Variants in ATL2 observed in about 807,000 individuals in gnomAD.
ATL2 encodes the protein atlastin-2.
Under a neutral mutation model 73.9 loss-of-function variants are expected in ATL2, and 31 were observed. The ratio of observed to expected loss-of-function variants is 0.42; its 90% confidence interval spans 0.32 to 0.57. ATL2 has a LOEUF of 0.57. ATL2 is among the 20% of genes least tolerant of loss of function. The probability of loss-of-function intolerance (pLI) is 0.14; values close to 1 mark genes in which losing one functional copy is unlikely to be tolerated. For missense variants in ATL2, 738 were observed against 702.6 expected, an observed-to-expected ratio of 1.05 and a Z score of -0.57; for synonymous variants, 291 against 237.5, an observed-to-expected ratio of 1.23 and a Z score of -2.07.
Position 38,313,234 on chromosome 2 carries a change from A to C in ATL2, c.721T>G (p.Phe241Val), listed in dbSNP as rs1235410089. The C allele has an allele frequency of 6.2e-7, 1 of 1,609,068 alleles. No individual in the cohort carries two copies. Among genetic ancestry groups the C allele is most frequent in the East Asian group, 2.2e-5 (1 of 44,844 alleles). The change falls in exon 7 of 13, where the codon TTT becomes GTT. Residue 241 changes from phenylalanine (F) to valine (V), a missense_variant. Transcript: ENST00000378954. ...IYQKPFQTLM[F>V]LIRDWSYPYE... Reference sequence around the variant, plus strand: ...GGATAGCTCCAATCTCGAATCAAAAACATTAATGTCTATACACAGAAAAAA... The same window carrying C: ...GGATAGCTCCAATCTCGAATCAAAACCATTAATGTCTATACACAGAAAAAA...
intron 1 of ATL2, chr2:38,376,122 G>C: frequency 6.6e-7 from 1 of 1,515,466 alleles, no homozygotes; most frequent in Non-Finnish European, 8.9e-7. Flanking sequence ...TTACCAAATC[G>C]TAGGCTTTTA....
At chr2:38,345,600 T>A (rs1376675208) in intron 1 of ATL2, among the ~76,000 whole-genome samples, 1 of 152,244 alleles carries the variant, frequency 6.6e-6, no homozygotes, top group Non-Finnish European at 1.5e-5. Flanking sequence ...ACATTATCAC[T>A]GCCTGTATCA....
intron 12 of ATL2, among the ~76,000 whole-genome samples, chr2:38,296,891 GAAT>G (rs1326641312): frequency 2.6e-5 from 4 of 152,126 alleles, no homozygotes; most frequent in Non-Finnish European, 4.4e-5. Context: ...TTTAAGAGAT[GAAT>G]ATTTCTCAAA....
intron 2 of ATL2, among the ~76,000 whole-genome samples, chr2:38,326,595 CAA>C (rs1434961200): frequency 3.9e-5 from 6 of 152,118 alleles, no homozygotes; most frequent in Admixed American, 6.6e-5. Flanking sequence ...AGCCTAGCTG[CAA>C]AGTAACACAA....
At chr2:38,296,647 G>GAC in intron 12 of ATL2, 1 of 1,594,036 alleles carries the variant, frequency 6.3e-7, no homozygotes. Context: ...AAGCTAAAGA[G>GAC]TTTAAGACTA....
At chr2:38,327,927 TTC>T (rs1447715337) in intron 2 of ATL2, among the ~76,000 whole-genome samples, 2 of 152,198 alleles carry the variant, frequency 1.3e-5, no homozygotes, top group African/African-American at 2.4e-5. Flanking sequence ...GAGAGTAAGA[TTC>T]TGTCTCAAAA....
chr2:38,318,990 A>G lies in ATL2; in HGVS notation c.393T>C (p.Asn131=), dbSNP rs765028655. Residue 131 remains asparagine (N), a synonymous_variant, in exon 3 of 13, where the codon AAT becomes AAC. Coordinates refer to ENST00000378954, the MANE Select transcript of ATL2 (RefSeq NM_001135673.4). ...GCCATGTAAAGCCTGTCAATGGTTC[A>G]TTGTTTCCACCAATCCAACTTTGAG... ...KDSQSWIGGN[N]EPLTGFTWRG... 40 of 1,613,810 alleles carry G rather than the reference A, an allele frequency of 2.5e-5. No individual in the cohort carries two copies. The highest frequency in any genetic ancestry group is 2.7e-5 in the African/African-American group (2 of 74,896).
At chr2:38,354,127 A>AGTAAGCGAAGATCGTGCCAC (rs766246090) in intron 1 of ATL2, 5 of 415,014 alleles carry the variant, frequency 1.2e-5, no homozygotes, top group South Asian at 8.4e-5. Context: ...GGGAGGTTGC[A>AGTAAGCGAAGATCGTGCCAC]GTAAGCGAAG....
intron 1 of ATL2, among the ~76,000 whole-genome samples, chr2:38,368,885 T>C (rs1671505650): frequency 6.6e-6 from 1 of 152,010 alleles, no homozygotes; most frequent in Admixed American, 6.6e-5. Flanking sequence ...CCCCAGGAGT[T>C]CGAGACTAGC....
chr2:38,368,214 G>GT (rs1459517552), intron 1 of ATL2, among the ~76,000 whole-genome samples: 2 of 149,174 alleles, frequency 1.3e-5, no homozygotes, highest in Non-Finnish European at 3.0e-5. Context: ...CATTACAGGC[G>GT]TAAGCCACCG....
At position 38,361,835 on chromosome 2, in the gene ATL2, G is replaced by T. The variant is rs375478651; in HGVS notation, c.118+15308C>A. Among the ~76,000 whole-genome samples, 128 of 152,176 alleles carry T rather than the reference G, an allele frequency of 8.4e-4. No individual in the cohort carries two copies. The Middle Eastern group carries it at 0.017, about 20-fold the overall frequency. ...CAACAACCCAGTAACTTAGCTATTA[G>T]TCCCATTTCACAGAGAGGAAATGTG... On this transcript the variant is annotated intron_variant, in intron 1 of 12. Coordinates refer to ENST00000378954, the MANE Select transcript of ATL2 (RefSeq NM_001135673.4).
chr2:38,349,841 A>G lies in ATL2; in HGVS notation c.119-6329T>C, dbSNP rs79089357. Among the ~76,000 whole-genome samples, 1,216 of 152,250 alleles carry G rather than the reference A, an allele frequency of 8.0e-3. 18 individuals carry two copies. The highest frequency in any genetic ancestry group is 0.028 in the African/African-American group (1,151 of 41,528). ...AGAATGTGTCTACATATTTGTCACC[A>G]TATCTAGTCTACAGCCTTTTACAGA... On this transcript the variant is annotated intron_variant, in intron 1 of 12. Coordinates refer to ENST00000378954, the MANE Select transcript of ATL2 (RefSeq NM_001135673.4).
intron 1 of ATL2, among the ~76,000 whole-genome samples, chr2:38,345,827 C>T (rs952997251): frequency 2.6e-5 from 4 of 152,222 alleles, no homozygotes; most frequent in African/African-American, 9.6e-5. Flanking sequence ...TGTCACTTAA[C>T]TTCTCTGCAC....
At chr2:38,361,467 A>T (rs1241072250) in intron 1 of ATL2, among the ~76,000 whole-genome samples, 1 of 152,204 alleles carries the variant, frequency 6.6e-6, no homozygotes, top group Non-Finnish European at 1.5e-5. Flanking sequence ...GAAATATACA[A>T]ATGTTATAAG....
At chr2:38,355,608 T>G (rs547629822) in intron 1 of ATL2, among the ~76,000 whole-genome samples, 1 of 151,582 alleles carries the variant, frequency 6.6e-6, no homozygotes, top group Non-Finnish European at 1.5e-5. Flanking sequence ...CAGAAAGACA[T>G]AACAATGCCA....
intron 9 of ATL2, among the ~76,000 whole-genome samples, chr2:38,304,806 A>C (rs1170430485): frequency 2.6e-5 from 4 of 152,224 alleles, no homozygotes; most frequent in Non-Finnish European, 5.9e-5. Flanking sequence ...AAAAAATAAA[A>C]AGAAATTAAA....
At chr2:38,297,463 G>C (rs746672474) in intron 12 of ATL2, among the ~76,000 whole-genome samples, 2 of 152,162 alleles carry the variant, frequency 1.3e-5, no homozygotes, top group Non-Finnish European at 1.5e-5. Context: ...CCAGCACACC[G>C]GAGGCAGATA....
intron 12 of ATL2, chr2:38,297,917 G>C (rs1666980057): frequency 1.4e-5 from 6 of 425,312 alleles, no homozygotes; most frequent in South Asian, 5.3e-5. Flanking sequence ...CTACAACTAA[G>C]AATCTATCCA....
chr2:38,364,175 T>A (rs1671170865), intron 1 of ATL2, among the ~76,000 whole-genome samples: 1 of 152,034 alleles, frequency 6.6e-6, no homozygotes, highest in South Asian at 2.1e-4. Flanking sequence ...GGCAGAAGAA[T>A]CACTTGAACC....
Sources: gnomAD v4.1 joint callset for allele counts (sites outside exome capture counted in the v4.1 genomes callset) on GRCh38, gnomAD v4.1.1 for gene constraint, MANE v1.5 for transcripts, NCBI Gene and HGNC (gene_info 2026-07-23, HGNC 2026-07-21) for gene names.